The following PCNX2 variants were observed in gnomAD, a reference collection of about 807,000 sequenced individuals.
PCNX2 encodes pecanex 2.
PCNX2 carries 168 observed loss-of-function variants against 223.8 expected under a neutral mutation model. The ratio of observed to expected loss-of-function variants is 0.75; its 90% CI spans 0.66 to 0.85. The LOEUF is 0.85. Among genes scored for constraint, PCNX2 ranks in the 40% least tolerant of loss-of-function variants. The pLI is 0.00. For missense variants in PCNX2, 2,507 were observed against 2,675.5 expected, an observed-to-expected ratio of 0.94 and a Z score of 1.39; for synonymous variants, 1,006 against 1,052.6, an observed-to-expected ratio of 0.96 and a Z score of 0.86.
At chr1:233,017,547 A>T (rs1210706904) in intron 26 of PCNX2, among the ~76,000 whole-genome samples, 1 of 151,908 alleles carries the variant, frequency 6.6e-6, no homozygotes, top group Non-Finnish European at 1.5e-5. Context: ...CGATCTCCTG[A>T]CCTCGTGATC....
intron 25 of PCNX2, among the ~76,000 whole-genome samples, chr1:233,041,204 GA>G (rs143401818): frequency 0.11 from 16,498 of 152,172 alleles, 1,190 homozygotes; most frequent in African/African-American, 0.2. Flanking sequence ...GTGGCTTAGA[GA>G]AAAACCACAC....
chr1:233,227,343 G>C lies in PCNX2; in HGVS notation c.2387C>G (p.Ser796Ter). The C allele has an allele frequency of 6.2e-7, 1 of 1,613,516 alleles. No individual in the cohort carries two copies. Among genetic ancestry groups the C allele is most frequent in the Non-Finnish European group, 8.5e-7 (1 of 1,179,686 alleles). Reference protein sequence around the residue: ...RHVSQDLEASSCSSTQGKFNR... With the variant: ...RHVSQDLEAS ...AAATTTTCCTTGTGTTGAAGAACAT[G>C]ACGAGGCTTCCAGATCCTGACTCAC... is the stretch of plus-strand genomic sequence containing the variant. The change falls in exon 10 of 34, where the codon TCA (serine) becomes TGA (stop). Residue 796 changes from serine to a stop codon, truncating the protein, a stop_gained. Transcript: ENST00000258229. LOFTEE classifies it high-confidence loss of function.
intron 4 of PCNX2, among the ~76,000 whole-genome samples, chr1:233,260,280 T>G (rs1659978948): frequency 6.6e-6 from 1 of 152,228 alleles, no homozygotes; most frequent in Non-Finnish European, 1.5e-5. Context: ...TCTACTGCAA[T>G]TCTTAGTACA....
chr1:233,080,096 C>G (rs1053858454), intron 23 of PCNX2, among the ~76,000 whole-genome samples: 1 of 152,154 alleles, frequency 6.6e-6, no homozygotes, highest in Non-Finnish European at 1.5e-5. Flanking sequence ...CTGTCTGTTC[C>G]CAGGTTTGTC....
the PCNX2 span, among the ~76,000 whole-genome samples, chr1:233,307,715 A>C: frequency 6.6e-5 from 10 of 152,174 alleles, no homozygotes; most frequent in African/African-American, 2.2e-4. Flanking sequence ...AGTCCACAAA[A>C]CCACTTTTTG....
chr1:233,054,957 C>A (rs1672138280), intron 24 of PCNX2, among the ~76,000 whole-genome samples: 1 of 152,092 alleles, frequency 6.6e-6, no homozygotes, highest in African/African-American at 2.4e-5. Flanking sequence ...AGTCATATAA[C>A]CAGCGCTTAG....
At chr1:233,207,058 T>G (rs1681515381) in intron 13 of PCNX2, among the ~76,000 whole-genome samples, 6 of 151,386 alleles carry the variant, frequency 4.0e-5, no homozygotes, top group Admixed American at 4.0e-4. Flanking sequence ...ACTCTGCTTC[T>G]CAAATGATGT....
intron 17 of PCNX2, among the ~76,000 whole-genome samples, chr1:233,168,218 T>A (rs1028642518): frequency 6.6e-6 from 1 of 152,068 alleles, no homozygotes; most frequent in Non-Finnish European, 1.5e-5. Flanking sequence ...AACACAATAA[T>A]ATTGCAGCAC....
chr1:233,254,097 G>A (rs1275941493), intron 5 of PCNX2, among the ~76,000 whole-genome samples: 1 of 152,160 alleles, frequency 6.6e-6, no homozygotes, highest in African/African-American at 2.4e-5. Context: ...GTGTCTGTGG[G>A]ATATAAATCA....
chr1:233,264,229 AC>A (rs746026411), intron 1 of PCNX2, among the ~76,000 whole-genome samples: 4 of 152,244 alleles, frequency 2.6e-5, no homozygotes, highest in Non-Finnish European at 4.4e-5. Context: ...TCCTTCCTAA[AC>A]TACATTCCTA....
chr1:233,212,618 T>C lies in PCNX2; in HGVS notation c.2692-3929A>G, dbSNP rs1272047274. Among the ~76,000 whole-genome samples, 4 of 152,278 alleles carry C rather than the reference T, an allele frequency of 2.6e-5. No individual in the cohort carries two copies. The East Asian group carries it at 5.8e-4, about 22-fold the overall frequency. Reference sequence around the variant, plus strand: ...TGCCGTCCAGGGCACTCCACTCCGCTATCTCCTAGTTCACGTATTTTCCTA... The same window carrying C: ...TGCCGTCCAGGGCACTCCACTCCGCCATCTCCTAGTTCACGTATTTTCCTA... On this transcript the variant is annotated intron_variant, in intron 12 of 33. Coordinates refer to ENST00000258229, the MANE Select transcript of PCNX2 (RefSeq NM_014801.4).
At chr1:233,048,934 C>T (rs897979858) in intron 25 of PCNX2, among the ~76,000 whole-genome samples, 1 of 152,120 alleles carries the variant, frequency 6.6e-6, no homozygotes, top group African/African-American at 2.4e-5. Context: ...CCTGGAAACA[C>T]ACACTCTTCC....
intron 15 of PCNX2, among the ~76,000 whole-genome samples, chr1:233,186,443 A>G (rs1680102715): frequency 6.6e-6 from 1 of 152,088 alleles, no homozygotes; most frequent in African/African-American, 2.4e-5. Context: ...CTTACTTCAC[A>G]CACGGCCTGC....
chr1:233,035,404 A>G (rs190005944), intron 25 of PCNX2, among the ~76,000 whole-genome samples: 47 of 152,356 alleles, frequency 3.1e-4, no homozygotes, highest in South Asian at 1.2e-3. Context: ...AACATTGTAA[A>G]TGTTTAAAAC....
chr1:233,118,066 T>A (rs1675531254), intron 21 of PCNX2, among the ~76,000 whole-genome samples: 1 of 151,500 alleles, frequency 6.6e-6, no homozygotes, highest in Non-Finnish European at 1.5e-5. Flanking sequence ...GTTTCAGGGA[T>A]GCAAGGTTGG....
Position 233,177,873 on chromosome 1 carries a change from G to T in PCNX2, c.3202C>A (p.Pro1068Thr). ...LMSFIQCRLFPKFLHQNLAES... is the reference protein window; with the variant it reads ...LMSFIQCRLFTKFLHQNLAES... ...GCCAGATTTTGATGTAAAAATTTAG[G>T]AAACAGCCTGCATTGGATGAAGGAC... is the stretch of plus-strand genomic sequence containing the variant. Residue 1068 changes from proline to threonine, a missense_variant, in exon 17 of 34, where the codon CCT becomes ACT. Physicochemically the swap from Pro to Thr is conservative, Grantham distance 38. Around this residue, in one of 3 missense-constraint regions of PCNX2, gnomAD observed 1,372 missense variants for 1,509.4 expected, o/e 0.91. Transcript: ENST00000258229. 1 of 1,613,854 alleles carries T rather than the reference G, an allele frequency of 6.2e-7. No individual in the cohort carries two copies.
At chr1:233,048,830 C>T (rs983511976) in intron 25 of PCNX2, among the ~76,000 whole-genome samples, 3 of 152,106 alleles carry the variant, frequency 2.0e-5, no homozygotes, top group African/African-American at 7.2e-5. Context: ...GATGACATTA[C>T]AATTGATCCT....
At chr1:233,075,105 T>G (rs1673033670) in intron 23 of PCNX2, among the ~76,000 whole-genome samples, 2 of 152,200 alleles carry the variant, frequency 1.3e-5, no homozygotes, top group Admixed American at 1.3e-4. Flanking sequence ...AAGTGAAGAT[T>G]TATGTTCACA....
intron 23 of PCNX2, among the ~76,000 whole-genome samples, chr1:233,064,230 T>A (rs923725773): frequency 3.3e-5 from 5 of 152,324 alleles, no homozygotes; most frequent in Non-Finnish European, 5.9e-5. Flanking sequence ...CCTTTAAGAA[T>A]AATTTTACAC....
Sources: allele counts gnomAD v4.1 joint callset (sites outside exome capture counted in the v4.1 genomes callset), GRCh38; gene constraint gnomAD v4.1.1; regional missense constraint gnomAD v4.1.1; transcripts MANE v1.5; gene names NCBI Gene and HGNC (gene_info 2026-07-23, HGNC 2026-07-21).